IMMP2L: variants seen among roughly 807,000 people sequenced by gnomAD.
The protein encoded by IMMP2L is mitochondrial inner membrane protease subunit 2.
In IMMP2L, 18 loss-of-function variants were observed where a neutral mutation model predicts 19.3. The observed-to-expected ratio is 0.93, with a 90% CI of 0.64 to 1.38. The LOEUF is 1.38. Ranked by LOEUF, IMMP2L falls within the 40% of genes most tolerant of loss-of-function variation. The pLI is 0.00. For missense variants in IMMP2L, 233 were observed against 218.2 expected, an observed-to-expected ratio of 1.07 and a Z score of -0.43; for synonymous variants, 76 against 73.0, an observed-to-expected ratio of 1.04 and a Z score of -0.21.
At chr7:110,891,695 A>G (rs1253536237) in intron 4 of IMMP2L, among the ~76,000 whole-genome samples, 1 of 152,178 alleles carries the variant, frequency 6.6e-6, no homozygotes, top group African/African-American at 2.4e-5. Context: ...TTTTAAAGAT[A>G]GACACTTGAA....
At chr7:111,542,826 T>G (rs924235209) in intron 1 of IMMP2L, among the ~76,000 whole-genome samples, 2 of 152,176 alleles carry the variant, frequency 1.3e-5, no homozygotes, top group Non-Finnish European at 2.9e-5. Flanking sequence ...GGGTTGTCTT[T>G]AAACTTCACA....
intron 3 of IMMP2L, among the ~76,000 whole-genome samples, chr7:110,998,308 T>C: frequency 6.6e-6 from 1 of 152,154 alleles, no homozygotes; most frequent in East Asian, 1.9e-4. Flanking sequence ...ACTTTCTTTG[T>C]TCTAAAATTT....
At chr7:111,294,814 A>G (rs1198109668) in intron 3 of IMMP2L, among the ~76,000 whole-genome samples, 1 of 151,960 alleles carries the variant, frequency 6.6e-6, no homozygotes, top group Non-Finnish European at 1.5e-5. Context: ...AACTAAAAAA[A>G]GAAATATTTT....
Position 110,901,798 on chromosome 7 carries a change from TA to T in IMMP2L, c.306-15104del, listed in dbSNP as rs979902818. Among the ~76,000 whole-genome samples the T allele has an allele frequency of 3.3e-5, 5 of 152,260 alleles. No homozygotes were observed. The South Asian group carries it at 6.2e-4, about 19-fold the overall frequency. On this transcript the variant is annotated intron_variant, in intron 4 of 5. Coordinates refer to ENST00000405709, the MANE Select transcript of IMMP2L (RefSeq NM_032549.4). ...AAATTCAATCAGTAACATAACAGAT[TA>T]TTTTTTTAAAAATGATGGCTTAGAT...
chr7:110,712,756 G>A (rs1198577460), intron 5 of IMMP2L, among the ~76,000 whole-genome samples: 2 of 104,160 alleles, frequency 1.9e-5, no homozygotes, highest in Non-Finnish European at 4.0e-5. Context: ...ATATTCGGGT[G>A]GGAGTGACCC....
intron 3 of IMMP2L, among the ~76,000 whole-genome samples, chr7:111,017,029 A>G (rs1055282107): frequency 7.3e-6 from 1 of 136,798 alleles, no homozygotes. Context: ...CATTATACTC[A>G]ACAGAACTTC....
At chr7:111,100,400 T>C (rs1490262763) in intron 3 of IMMP2L, among the ~76,000 whole-genome samples, 2 of 148,538 alleles carry the variant, frequency 1.3e-5, no homozygotes, top group African/African-American at 4.9e-5. Flanking sequence ...TATATAATAA[T>C]ATGCTTAAAC....
chr7:111,038,321 CACAGTGG>C (rs1291658444), intron 3 of IMMP2L, among the ~76,000 whole-genome samples: 1 of 152,018 alleles, frequency 6.6e-6, no homozygotes, highest in African/African-American at 2.4e-5. Flanking sequence ...TAATTGGAAG[CACAGTGG>C]AAAAGGAGTA....
In IMMP2L at chr7:110,673,470, T is replaced by C. The variant is rs150819841; in HGVS notation, c.409-9749A>G. On this transcript the variant is annotated intron_variant, in intron 5 of 5. Transcript: ENST00000405709. ...TTAACACTGGGCTCCTCATTACTTA[T>C]GCAAATTTCTGCAGCTGGGTTGAAT... Among the ~76,000 whole-genome samples the C allele has an allele frequency of 2.6e-3, 402 of 152,382 alleles. 3 individuals carry two copies. The highest frequency in any genetic ancestry group is 9.0e-3 in the African/African-American group (374 of 41,604).
chr7:111,423,342 T>C (rs1835766589), intron 3 of IMMP2L, among the ~76,000 whole-genome samples: 1 of 151,774 alleles, frequency 6.6e-6, no homozygotes, highest in Non-Finnish European at 1.5e-5. Context: ...ATCCATCTGG[T>C]CCTGGACTTT....
chr7:111,555,254 T>G (rs1224741044), intron 1 of IMMP2L, among the ~76,000 whole-genome samples: 1 of 151,812 alleles, frequency 6.6e-6, no homozygotes, highest in Non-Finnish European at 1.5e-5. Flanking sequence ...GAAAATGGAG[T>G]TTTTACGCAC....
chr7:111,016,954 T>G (rs1585770765), intron 3 of IMMP2L, among the ~76,000 whole-genome samples: 1 of 118,580 alleles, frequency 8.4e-6, no homozygotes, highest in Admixed American at 1.2e-4. Flanking sequence ...ATATATGATA[T>G]ATAATTATAT....
At chr7:111,019,249 AG>A (rs1826035521) in intron 3 of IMMP2L, among the ~76,000 whole-genome samples, 1 of 152,228 alleles carries the variant, frequency 6.6e-6, no homozygotes, top group Non-Finnish European at 1.5e-5. Flanking sequence ...GGGGAACTAA[AG>A]GTGACTGTGA....
chr7:111,532,033 T>C (rs1311777822), intron 1 of IMMP2L, among the ~76,000 whole-genome samples: 1 of 151,800 alleles, frequency 6.6e-6, no homozygotes. Flanking sequence ...CTCAAGAACC[T>C]TTCAAAAATC....
At chr7:111,198,175 C>A (rs939944867) in intron 3 of IMMP2L, among the ~76,000 whole-genome samples, 3 of 152,094 alleles carry the variant, frequency 2.0e-5, no homozygotes, top group Non-Finnish European at 4.4e-5. Flanking sequence ...GACAGACTTT[C>A]TTTTACTCAT....
chr7:111,354,757 G>T (rs1056865628), intron 3 of IMMP2L, among the ~76,000 whole-genome samples: 1 of 151,384 alleles, frequency 6.6e-6, no homozygotes, highest in South Asian at 2.1e-4. Context: ...TTATTGGAAA[G>T]AATATTTTTT....
chr7:111,522,416 A>G (rs1383115732), intron 1 of IMMP2L, among the ~76,000 whole-genome samples: 1 of 152,162 alleles, frequency 6.6e-6, no homozygotes, highest in Non-Finnish European at 1.5e-5. Flanking sequence ...ACTTCTGACA[A>G]GAGGCTAATA....
rs552117859 is a variant in IMMP2L at position 110,688,844 on chromosome 7, T to C, written c.409-25123A>G. On this transcript the variant is annotated intron_variant, in intron 5 of 5. Transcript: ENST00000405709. ...TGTCCTTTCTCTCTGTCTCTCTCTG[T>C]ATGTATGTATGTATATACACATACA... Among the ~76,000 whole-genome samples, 35 of 152,184 alleles carry C rather than the reference T, an allele frequency of 2.3e-4. No individual in the cohort carries two copies. In the South Asian group the frequency reaches 5.8e-3, roughly 25 times the overall value.
At chr7:110,684,898 A>C (rs1793003750) in intron 5 of IMMP2L, among the ~76,000 whole-genome samples, 1 of 152,062 alleles carries the variant, frequency 6.6e-6, no homozygotes, top group Non-Finnish European at 1.5e-5. Context: ...GCCACGCTCA[A>C]CCTACTGTAT....
Sources: allele counts gnomAD v4.1 joint callset (sites outside exome capture counted in the v4.1 genomes callset), GRCh38; gene constraint gnomAD v4.1.1; transcripts MANE v1.5; gene names NCBI Gene and HGNC (gene_info 2026-07-23, HGNC 2026-07-21).